CNTNAP2: variants seen among roughly 807,000 people sequenced by gnomAD.
CNTNAP2 encodes the protein contactin-associated protein-like 2.
Under a neutral mutation model 155.2 loss-of-function variants are expected in CNTNAP2, and 98 were observed. The observed-to-expected ratio is 0.63, with a 90% CI of 0.54 to 0.75. The LOEUF (loss-of-function observed/expected upper bound fraction) is 0.75. CNTNAP2 is among the 30% of genes least tolerant of loss of function. The pLI is 0.00. For missense variants in CNTNAP2, 1,727 were observed against 1,688.1 expected (o/e 1.02, Z -0.40); for synonymous variants, 651 against 631.2 (o/e 1.03, Z -0.47).
At chr7:148,214,600 T>C (rs981164751) in intron 18 of CNTNAP2, among the ~76,000 whole-genome samples, 4 of 151,804 alleles carry the variant, frequency 2.6e-5, no homozygotes, top group African/African-American at 9.7e-5. Context: ...TGAGATGGAG[T>C]CTCTCTCTGC....
At chr7:146,928,779 A>G (rs1174079994) in intron 3 of CNTNAP2, among the ~76,000 whole-genome samples, 1 of 152,090 alleles carries the variant, frequency 6.6e-6, no homozygotes, top group African/African-American at 2.4e-5. Flanking sequence ...GCACCAGGAG[A>G]TTATATCCCG....
intron 8 of CNTNAP2, among the ~76,000 whole-genome samples, chr7:147,270,054 C>T (rs1227147059): frequency 6.6e-6 from 1 of 151,888 alleles, no homozygotes; most frequent in Non-Finnish European, 1.5e-5. Flanking sequence ...AGAGTGATAC[C>T]TTATCACTTA....
intron 13 of CNTNAP2, among the ~76,000 whole-genome samples, chr7:147,680,267 G>T (rs1795928190): frequency 6.6e-6 from 1 of 151,874 alleles, no homozygotes; most frequent in Admixed American, 6.6e-5. Flanking sequence ...TACTGCACTT[G>T]TCCCACTATA....
chr7:146,379,517 A>T (rs1333083639), intron 1 of CNTNAP2, among the ~76,000 whole-genome samples: 1 of 152,302 alleles, frequency 6.6e-6, no homozygotes, highest in Non-Finnish European at 1.5e-5. Context: ...ACCAATGGCA[A>T]CTTCTTCCCT....
At chr7:146,201,381 AG>A (rs1319137714) in intron 1 of CNTNAP2, among the ~76,000 whole-genome samples, 1 of 152,224 alleles carries the variant, frequency 6.6e-6, no homozygotes, top group Non-Finnish European at 1.5e-5. Context: ...ATCCTAAAAA[AG>A]AAGAAATATC....
chr7:146,677,190 G>C (rs930946440), intron 1 of CNTNAP2, among the ~76,000 whole-genome samples: 8 of 152,288 alleles, frequency 5.3e-5, no homozygotes, highest in African/African-American at 1.9e-4. Flanking sequence ...ACTGGAAGTG[G>C]GGGAAGTGGG....
chr7:148,143,460 C>T (rs1485513238), intron 16 of CNTNAP2, among the ~76,000 whole-genome samples: 1 of 152,144 alleles, frequency 6.6e-6, no homozygotes, highest in Non-Finnish European at 1.5e-5. Context: ...GGGTGGATAG[C>T]TTGAGCCCAC....
intron 21 of CNTNAP2, among the ~76,000 whole-genome samples, chr7:148,360,915 T>G (rs576422102): frequency 1.6e-4 from 25 of 151,836 alleles, no homozygotes; most frequent in African/African-American, 6.0e-4. Context: ...ATTCAAGTGA[T>G]CTCCTGCCTC....
At chr7:147,044,220 G>T (rs1042829496) in intron 4 of CNTNAP2, among the ~76,000 whole-genome samples, 166 bp downstream of exon 4, 3 of 151,550 alleles carry the variant, frequency 2.0e-5, no homozygotes, top group African/African-American at 7.3e-5. Context: ...ATAATAAAAG[G>T]TTGTGTCTCT....
intron 10 of CNTNAP2, among the ~76,000 whole-genome samples, chr7:147,421,142 C>T (rs1435093905): frequency 6.6e-6 from 1 of 152,142 alleles, no homozygotes; most frequent in Non-Finnish European, 1.5e-5. Flanking sequence ...ATTACTGTCT[C>T]ATTGTTATTT....
intron 10 of CNTNAP2, among the ~76,000 whole-genome samples, chr7:147,481,336 A>G (rs1368763507): frequency 6.6e-6 from 1 of 152,180 alleles, no homozygotes; most frequent in Non-Finnish European, 1.5e-5. Context: ...ACTACAAACA[A>G]ACAAATCTGG....
At chr7:147,304,649 G>C in intron 9 of CNTNAP2, among the ~76,000 whole-genome samples, 1 of 152,140 alleles carries the variant, frequency 6.6e-6, no homozygotes, top group Non-Finnish European at 1.5e-5. Flanking sequence ...AAAGCAAGTG[G>C]TGAAGGCAAG....
intron 1 of CNTNAP2, among the ~76,000 whole-genome samples, chr7:146,248,987 G>C (rs966271325): frequency 4.6e-5 from 7 of 152,150 alleles, no homozygotes; most frequent in African/African-American, 1.7e-4. Flanking sequence ...GTCAAAGGGA[G>C]GGTTGTTCCC....
chr7:146,210,056 C>G (rs1203227153), intron 1 of CNTNAP2, among the ~76,000 whole-genome samples: 1 of 152,128 alleles, frequency 6.6e-6, no homozygotes, highest in African/African-American at 2.4e-5. Context: ...CAGATTAAAT[C>G]TGTTAGTGTT....
At chr7:147,914,161 C>T (rs892990579) in intron 14 of CNTNAP2, among the ~76,000 whole-genome samples, 1 of 151,780 alleles carries the variant, frequency 6.6e-6, no homozygotes, top group Admixed American at 6.6e-5. Flanking sequence ...TAAACACTTG[C>T]ACAGAAAGAT....
rs533368743 is a variant in CNTNAP2, at chr7:148,228,079, AT to A, written c.3248-1566del. 1.6e-4 allele frequency among the ~76,000 whole-genome samples: 24 copies of A among 152,246 alleles called. No individual in the cohort carries two copies. The South Asian group carries it at 5.0e-3, about 32-fold the overall frequency. On this transcript the variant is annotated intron_variant, in intron 19 of 23. Transcript: ENST00000361727. Reference sequence around the variant, plus strand: ...TTATTTTGTAACTTAAAATCAGAATATCAGTTTTGTTCCCCTAAAAAGGAAA... The same window carrying A: ...TTATTTTGTAACTTAAAATCAGAATACAGTTTTGTTCCCCTAAAAAGGAAA...
intron 20 of CNTNAP2, among the ~76,000 whole-genome samples, chr7:148,245,558 C>G (rs1796246179): frequency 6.6e-6 from 1 of 152,082 alleles, no homozygotes. Flanking sequence ...GGAACCCAGG[C>G]AGAATGCCAG....
chr7:148,129,910 G>C (rs992234033), intron 16 of CNTNAP2, among the ~76,000 whole-genome samples: 4 of 152,298 alleles, frequency 2.6e-5, no homozygotes, highest in Middle Eastern at 3.4e-3. Flanking sequence ...AAGGATGATG[G>C]GGGGAGGGAT....
At chr7:147,868,161 T>G (rs1162762672) in intron 13 of CNTNAP2, among the ~76,000 whole-genome samples, 3 of 152,198 alleles carry the variant, frequency 2.0e-5, no homozygotes, top group African/African-American at 7.2e-5. Context: ...TTGATGTTGA[T>G]GCTATTCCTT....
Sources: gnomAD v4.1 joint callset for allele counts (sites outside exome capture counted in the v4.1 genomes callset) on GRCh38, gnomAD v4.1.1 for gene constraint, MANE v1.5 for transcripts, NCBI Gene and HGNC (gene_info 2026-07-23, HGNC 2026-07-21) for gene names.